The following CSMD1 variants were observed in gnomAD, a reference collection of about 807,000 sequenced individuals.
The protein encoded by CSMD1 is CUB and sushi domain-containing protein 1.
A neutral mutation model predicts 417.5 loss-of-function variants in CSMD1; 213 were observed. The ratio of observed to expected loss-of-function variants is 0.51; its 90% confidence interval spans 0.46 to 0.57. CSMD1 has a LOEUF of 0.57. Among genes scored for constraint, CSMD1 ranks in the 20% least tolerant of loss-of-function variants. The pLI, the probability that CSMD1 is intolerant of heterozygous loss-of-function variation, is 0.00. For missense variants in CSMD1, 6,923 were observed against 4,529.7 expected, an observed-to-expected ratio of 1.53 and a Z score of -15.17; for synonymous variants, 2,862 against 1,736.8, an observed-to-expected ratio of 1.65 and a Z score of -16.11.
chr8:4,695,682 T>A (rs1807082367), intron 1 of CSMD1, among the ~76,000 whole-genome samples: 1 of 152,156 alleles, frequency 6.6e-6, no homozygotes. Context: ...GGTTGATACA[T>A]CATTATCACT....
chr8:4,316,691 T>A (rs1798956730), intron 3 of CSMD1, among the ~76,000 whole-genome samples: 1 of 152,012 alleles, frequency 6.6e-6, no homozygotes, highest in Admixed American at 6.6e-5. Context: ...AGGGGGGGGC[T>A]TCCTTTATGT....
intron 7 of CSMD1, among the ~76,000 whole-genome samples, chr8:3,659,130 C>T (rs1272063781): frequency 6.6e-6 from 1 of 152,068 alleles, no homozygotes; most frequent in Non-Finnish European, 1.5e-5. Context: ...CACATAAATC[C>T]TTAAAATAAA....
intron 65 of CSMD1, among the ~76,000 whole-genome samples, 167 bp from the exon 66 acceptor site, chr8:2,951,442 T>C (rs949444696): frequency 6.6e-6 from 1 of 152,116 alleles, no homozygotes; most frequent in African/African-American, 2.4e-5. Flanking sequence ...CGTGCAAAAC[T>C]CAAAAGAAGC....
At chr8:3,642,193 T>A (rs1211844324) in intron 7 of CSMD1, among the ~76,000 whole-genome samples, 1 of 151,282 alleles carries the variant, frequency 6.6e-6, no homozygotes, top group Non-Finnish European at 1.5e-5. Flanking sequence ...ATATAATATA[T>A]AGAAGATGAT....
chr8:3,360,075 T>A (rs1269375890), intron 20 of CSMD1, among the ~76,000 whole-genome samples: 9 of 152,174 alleles, frequency 5.9e-5, no homozygotes, highest in Admixed American at 5.9e-4. Flanking sequence ...GGGCTATGTT[T>A]CTGGAAATCT....
chr8:3,396,088 A>G lies in CSMD1; in HGVS notation c.2593+106T>C, dbSNP rs908038672. On this transcript the variant is annotated intron_variant, in intron 17 of 69. Transcript: ENST00000635120. Reference sequence around the variant, plus strand: ...TATGGTTTTGCTAGAGTCAAGCAGGATCAGTAAACTAGCACAGTCATCTGC... The same window carrying G: ...TATGGTTTTGCTAGAGTCAAGCAGGGTCAGTAAACTAGCACAGTCATCTGC... 5.4e-6 allele frequency: 5 copies of G among 927,268 alleles called. No homozygotes were observed. The African/African-American group carries it at 8.3e-5, about 15-fold the overall frequency. 57.4% of individuals were successfully genotyped at this position (927,268 alleles called of 1,614,324 possible).
intron 33 of CSMD1, among the ~76,000 whole-genome samples, chr8:3,198,538 C>T (rs1407909492): frequency 6.6e-6 from 1 of 152,192 alleles, no homozygotes; most frequent in Non-Finnish European, 1.5e-5. Flanking sequence ...GCATTAGCAT[C>T]TCCATTCATT....
At chr8:4,011,735 T>G (rs1052284937) in intron 4 of CSMD1, among the ~76,000 whole-genome samples, 1 of 152,166 alleles carries the variant, frequency 6.6e-6, no homozygotes, top group Non-Finnish European at 1.5e-5. Context: ...ATCAGCATAC[T>G]TTTTTCTCAT....
intron 26 of CSMD1, among the ~76,000 whole-genome samples, chr8:3,254,282 A>G (rs572863968): frequency 7.2e-5 from 11 of 152,072 alleles, no homozygotes; most frequent in Non-Finnish European, 1.5e-4. Context: ...GGGTAACCCG[A>G]CCTTTCTCTC....
chr8:4,041,535 T>G (rs1234010322), intron 3 of CSMD1, among the ~76,000 whole-genome samples: 1 of 152,124 alleles, frequency 6.6e-6, no homozygotes, highest in Non-Finnish European at 1.5e-5. Context: ...AGAATATTTA[T>G]GGGAATACAA....
intron 4 of CSMD1, among the ~76,000 whole-genome samples, chr8:4,013,674 GA>G (rs1168186215): frequency 6.6e-6 from 1 of 152,164 alleles, no homozygotes; most frequent in African/African-American, 2.4e-5. Context: ...GCAAAGATTG[GA>G]ATTCTTTCTT....
chr8:4,015,122 C>T (rs529291586), intron 4 of CSMD1, among the ~76,000 whole-genome samples: 3 of 152,230 alleles, frequency 2.0e-5, no homozygotes, highest in African/African-American at 4.8e-5. Flanking sequence ...ACCAAATTGT[C>T]TAAAACTACT....
At chr8:4,186,923 G>C (rs112756204) in intron 3 of CSMD1, among the ~76,000 whole-genome samples, 15,320 of 151,872 alleles carry the variant, frequency 0.1, 1,328 homozygotes, top group African/African-American at 0.23. Context: ...CTGAACCCAC[G>C]AGGCAGAGAT....
chr8:3,354,918 T>G (rs1366585174), intron 21 of CSMD1, among the ~76,000 whole-genome samples: 2 of 150,588 alleles, frequency 1.3e-5, no homozygotes, highest in Non-Finnish European at 3.0e-5. Context: ...TATAGATATG[T>G]CTATCTATAG....
chr8:4,304,308 A>G (rs1798133272), intron 3 of CSMD1, among the ~76,000 whole-genome samples: 2 of 152,368 alleles, frequency 1.3e-5, no homozygotes, highest in South Asian at 4.1e-4. Flanking sequence ...TAGAATATAT[A>G]GAAGATATTT....
chr8:3,900,984 T>A (rs1807711627), intron 5 of CSMD1, among the ~76,000 whole-genome samples: 1 of 152,256 alleles, frequency 6.6e-6, no homozygotes, highest in Non-Finnish European at 1.5e-5. Context: ...CTTTATGATT[T>A]TTCATTATTG....
intron 49 of CSMD1, among the ~76,000 whole-genome samples, chr8:3,060,239 G>C (rs964796049): frequency 1.3e-5 from 2 of 149,456 alleles, no homozygotes; most frequent in African/African-American, 4.9e-5. Context: ...TCCACCTCCC[G>C]AGTTCAAGCG....
At chr8:3,290,038 T>C (rs1803433626) in intron 25 of CSMD1, among the ~76,000 whole-genome samples, 1 of 147,358 alleles carries the variant, frequency 6.8e-6, no homozygotes, top group Non-Finnish European at 1.5e-5. Context: ...TTCAGCTTTC[T>C]ACATATGGCT....
At chr8:4,332,570 C>G (rs960059547) in intron 3 of CSMD1, among the ~76,000 whole-genome samples, 16 of 56,406 alleles carry the variant, frequency 2.8e-4, no homozygotes, top group Admixed American at 5.1e-4. Context: ...CACACACACA[C>G]ACACACACAC....
Sources: allele counts gnomAD v4.1 joint callset (sites outside exome capture counted in the v4.1 genomes callset), GRCh38; gene constraint gnomAD v4.1.1; transcripts MANE v1.5; gene names NCBI Gene and HGNC (gene_info 2026-07-23, HGNC 2026-07-21).